Variants in FEZ2 observed in about 807,000 individuals in gnomAD.
FEZ2 encodes fasciculation and elongation protein zeta-2.
In FEZ2, 51 loss-of-function variants were observed where a neutral mutation model predicts 40.4. The ratio of observed to expected loss-of-function variants is 1.26; its 90% confidence interval spans 1.01 to 1.59. FEZ2 has a LOEUF of 1.59. Among genes scored for constraint, FEZ2 ranks in the 40% most tolerant of loss-of-function variants. The pLI, the probability that FEZ2 is intolerant of heterozygous loss-of-function variation, is 0.00. For synonymous variants in FEZ2, 242 were observed against 172.0 expected (o/e 1.41, Z -3.18); for missense variants, 640 against 438.3 (o/e 1.46, Z -4.11).
chr2:36,580,854 T>C (rs188270200), intron 4 of FEZ2, among the ~76,000 whole-genome samples: 1 of 152,216 alleles, frequency 6.6e-6, no homozygotes, highest in Admixed American at 6.5e-5. Flanking sequence ...TTGCTGTCCT[T>C]GTAAGAGGAA....
intron 1 of FEZ2, 174 bp from the exon 2 acceptor site, chr2:36,591,185 G>GA: frequency 1.7e-6 from 1 of 594,424 alleles, no homozygotes; most frequent in Middle Eastern, 4.3e-4. Context: ...AAAACGAGGT[G>GA]AAAAATCACA....
At position 36,583,128 on chromosome 2, in the gene FEZ2, T is replaced by C. The variant is rs569473893; in HGVS notation, c.492+225A>G. Among the ~76,000 whole-genome samples, 4 of 152,340 alleles carry C rather than the reference T, an allele frequency of 2.6e-5. No individual in the cohort carries two copies. The South Asian group carries it at 8.3e-4, about 32-fold the overall frequency. ...TTTCCTTGGTACCTTGCTATAATCT[T>C]CAACAAGGCCTCTGTTGGAAACCTT... On this transcript the variant is annotated intron_variant, in intron 3 of 7. Coordinates refer to ENST00000405912, the MANE Select transcript of FEZ2 (RefSeq NM_005102.3).
At chr2:36,558,295 A>C in intron 6 of FEZ2, 143 bp downstream of exon 6, 1 of 465,554 alleles carries the variant, frequency 2.1e-6, no homozygotes, top group Non-Finnish European at 3.8e-6. Flanking sequence ...TTTTGGCTTC[A>C]TTCTTATAAA....
intron 2 of FEZ2, chr2:36,589,686 T>C (rs1185949389): frequency 6.6e-6 from 1 of 152,242 alleles, no homozygotes; most frequent in Non-Finnish European, 1.5e-5. Context: ...ATGGGATTAA[T>C]GACTGGCACA....
chr2:36,555,729 C>G lies in FEZ2; in HGVS notation c.999G>C (p.Glu333Asp), dbSNP rs1207349894. The change falls in exon 7 of 8, where the codon GAG becomes GAC. Residue 333 changes from glutamate to aspartate, a missense_variant. Coordinates refer to ENST00000405912, the MANE Select transcript of FEZ2 (RefSeq NM_005102.3). Reference sequence around the variant, plus strand: ...ACAAGCTCGGAACTTTTTCACTGTCCTCCTTCATGGCACGAAGAACTGCAA... The same window carrying G: ...ACAAGCTCGGAACTTTTTCACTGTCGTCCTTCATGGCACGAAGAACTGCAA... ...ILTKILRAMK[E>D]DSEKVPSLLT... The G allele has an allele frequency of 6.3e-7, 1 of 1,592,434 alleles. No individual in the cohort carries two copies. Among genetic ancestry groups the G allele is most frequent in the Non-Finnish European group, 8.5e-7 (1 of 1,170,330 alleles).
Position 36,583,397 on chromosome 2 carries a change from T to C in FEZ2, c.448A>G (p.Ile150Val). ...GGTTCATCATTAACACAGGAGACGA[T>C]GATTGAGTGCATATCCAGCTGTTCT... The part of the protein sequence containing the change: ...LREQLDMHSI[I>V]VSCVNDEPLF... The change falls in exon 3 of 8, where the codon ATC becomes GTC. Residue 150 changes from isoleucine (I) to valine (V), a missense_variant. By Grantham distance (29) the Ile-to-Val change is conservative (BLOSUM62 3). Transcript: ENST00000405912. 1 of 1,608,214 alleles carries C rather than the reference T, an allele frequency of 6.2e-7. No homozygotes were observed. The highest frequency in any genetic ancestry group is 8.5e-7 in the Non-Finnish European group (1 of 1,174,618).
At chr2:36,597,719 G>T (rs1452349356) in intron 1 of FEZ2, among the ~76,000 whole-genome samples, 158 bp downstream of exon 1, 11 of 152,310 alleles carry the variant, frequency 7.2e-5, no homozygotes, top group South Asian at 4.1e-4. Context: ...ATTGCTGGGC[G>T]AGCCGAGGCC....
intron 5 of FEZ2, among the ~76,000 whole-genome samples, chr2:36,563,424 A>T (rs1006689013): frequency 6.6e-6 from 1 of 152,148 alleles, no homozygotes; most frequent in South Asian, 2.1e-4. Flanking sequence ...ACTGGCAATG[A>T]ACCAGGGAAG....
intron 5 of FEZ2, among the ~76,000 whole-genome samples, chr2:36,562,367 T>C (rs1277841877): frequency 1.3e-5 from 2 of 152,202 alleles, no homozygotes; most frequent in Non-Finnish European, 2.9e-5. Context: ...AGCTAAGAAA[T>C]GCCAACAGGC....
chr2:36,586,243 C>G (rs549146692), intron 2 of FEZ2, among the ~76,000 whole-genome samples: 1 of 152,162 alleles, frequency 6.6e-6, no homozygotes, highest in Non-Finnish European at 1.5e-5. Context: ...ACACTTCACA[C>G]CCCCTTCCCA....
intron 5 of FEZ2, among the ~76,000 whole-genome samples, chr2:36,572,156 A>C (rs1026102066): frequency 6.6e-6 from 1 of 151,706 alleles, no homozygotes; most frequent in Non-Finnish European, 1.5e-5. Context: ...GTTTGTCTCC[A>C]TATTTAGAGA....
intron 2 of FEZ2, among the ~76,000 whole-genome samples, 185 bp from the exon 3 acceptor site, chr2:36,583,654 A>C (rs1012964656): frequency 5.3e-5 from 8 of 152,184 alleles, no homozygotes; most frequent in East Asian, 1.9e-4. Flanking sequence ...AAATGAGAAG[A>C]ATGTAGAATA....
chr2:36,571,567 AC>A (rs1668411322), intron 5 of FEZ2, among the ~76,000 whole-genome samples: 1 of 151,992 alleles, frequency 6.6e-6, no homozygotes. Flanking sequence ...AGGCAGGAGA[AC>A]CGCTTGAACC....
chr2:36,569,638 T>C (rs1283381782), intron 5 of FEZ2, among the ~76,000 whole-genome samples: 3 of 152,216 alleles, frequency 2.0e-5, no homozygotes, highest in Admixed American at 2.0e-4. Context: ...CAGCTTCTTC[T>C]ACACACAGCA....
intron 5 of FEZ2, among the ~76,000 whole-genome samples, chr2:36,561,063 A>G (rs1261773627): frequency 6.6e-6 from 1 of 152,270 alleles, no homozygotes; most frequent in Non-Finnish European, 1.5e-5. Context: ...GTTAAATGCA[A>G]AAGCAACTGT....
chr2:36,596,685 C>G (rs1471647073), intron 1 of FEZ2, among the ~76,000 whole-genome samples: 1 of 152,088 alleles, frequency 6.6e-6, no homozygotes, highest in Non-Finnish European at 1.5e-5. Flanking sequence ...CCAGTCTGGT[C>G]TCGAACTGCT....
rs558511260 is a variant in FEZ2, at chr2:36,564,925, T to C, written c.904-6412A>G. Among the ~76,000 whole-genome samples, 50 of 152,338 alleles carry C rather than the reference T, an allele frequency of 3.3e-4. 1 individual carries two copies. The highest frequency in any genetic ancestry group is 1.9e-4 in the East Asian group (1 of 5,182). On this transcript the variant is annotated intron_variant, in intron 5 of 7. Coordinates refer to ENST00000405912, the MANE Select transcript of FEZ2 (RefSeq NM_005102.3). The stretch of plus-strand genomic sequence containing the variant: ...CTCTCCCCCGTTGTGTGCCAATGTG[T>C]TGCAATGGCTGGCTTAACTTTCAGA...
chr2:36,557,656 C>T (rs1572999122), intron 6 of FEZ2: 1 of 152,116 alleles, frequency 6.6e-6, no homozygotes, highest in African/African-American at 2.4e-5. Context: ...CAAAATCATA[C>T]ATATATTAAT....
At chr2:36,569,146 T>C (rs1668336380) in intron 5 of FEZ2, among the ~76,000 whole-genome samples, 1 of 152,238 alleles carries the variant, frequency 6.6e-6, no homozygotes, top group Non-Finnish European at 1.5e-5. Flanking sequence ...TAATACCTTC[T>C]TTATAGAGTT....
Sources: gnomAD v4.1 joint callset for allele counts (sites outside exome capture counted in the v4.1 genomes callset) on GRCh38, gnomAD v4.1.1 for gene constraint, MANE v1.5 for transcripts, NCBI Gene and HGNC (gene_info 2026-07-23, HGNC 2026-07-21) for gene names.